Variants in PAK5 observed in about 807,000 individuals in gnomAD.
The protein encoded by PAK5 is p21 (RAC1) activated kinase 5, also known as serine/threonine-protein kinase PAK 5.
Under a neutral mutation model 65.9 loss-of-function variants are expected in PAK5, and 16 were observed. The observed-to-expected ratio is 0.24, with a 90% confidence interval of 0.16 to 0.37. The LOEUF (loss-of-function observed/expected upper bound fraction) is 0.37, where lower values mean the gene tolerates loss of function less well. PAK5 is among the 10% of genes least tolerant of loss of function. The pLI is 1.00. For missense variants in PAK5, 785 were observed against 903.9 expected, an observed-to-expected ratio of 0.87 and a Z score of 1.69; for synonymous variants, 371 against 354.9, an observed-to-expected ratio of 1.05 and a Z score of -0.51.
chr20:9,785,932 C>T (rs1246316082), intron 1 of PAK5, among the ~76,000 whole-genome samples: 4 of 152,024 alleles, frequency 2.6e-5, no homozygotes, highest in African/African-American at 4.8e-5. Context: ...ATCCTTGACC[C>T]TCCCCACCTG....
chr20:9,789,305 C>T (rs1000309472), intron 1 of PAK5, among the ~76,000 whole-genome samples: 49 of 152,270 alleles, frequency 3.2e-4, no homozygotes, highest in East Asian at 1.9e-4. Flanking sequence ...ACTTCCAAAT[C>T]TGAATTTTTC....
chr20:9,715,593 A>G (rs2048134628), intron 1 of PAK5, among the ~76,000 whole-genome samples: 1 of 152,084 alleles, frequency 6.6e-6, no homozygotes, highest in Non-Finnish European at 1.5e-5. Flanking sequence ...AGACACATGC[A>G]CACGTATGTT....
intron 4 of PAK5, among the ~76,000 whole-genome samples, chr20:9,575,302 G>T (rs1207959456): frequency 1.3e-5 from 2 of 152,070 alleles, no homozygotes; most frequent in African/African-American, 2.4e-5. Context: ...TCAAAGGATT[G>T]TCTTGGCCTC....
rs2049452437 is a variant in PAK5, at chr20:9,823,816, T to C, written c.-162+14946A>G. ...GAATCCTTGCCTCAAGGTCTGTTTC[T>C]GGGGGGGAAATCCTAACTAAAATAG... On this transcript the variant is annotated intron_variant, in intron 1 of 9. Coordinates refer to ENST00000353224, the MANE Select transcript of PAK5 (RefSeq NM_177990.4). Among the ~76,000 whole-genome samples, 2 of 151,890 alleles carry C rather than the reference T, an allele frequency of 1.3e-5. 1 individual carries two copies. Among genetic ancestry groups the C allele is most frequent in the African/African-American group, 4.8e-5 (2 of 41,336 alleles).
chr20:9,537,791 A>T lies in PAK5; in HGVS notation c.*1671T>A, dbSNP rs1310928378. 4 of 222,238 alleles carry T rather than the reference A, an allele frequency of 1.8e-5. No individual in the cohort carries two copies. Among genetic ancestry groups the T allele is most frequent in the African/African-American group, 9.0e-5 (4 of 44,560 alleles). 13.8% of individuals were successfully genotyped at this position (222,238 alleles called of 1,614,324 possible). ...CATTGATTTGCTGTTTTATGAAGCA[A>T]AATCATAGATCATATTTATGGAGGC... On this transcript the variant is annotated 3_prime_UTR_variant, in exon 10 of 10. Transcript: ENST00000353224.
At chr20:9,644,628 T>G (rs930578881) in intron 2 of PAK5, among the ~76,000 whole-genome samples, 4 of 152,220 alleles carry the variant, frequency 2.6e-5, no homozygotes, top group African/African-American at 9.6e-5. Flanking sequence ...AGTTGGCAAG[T>G]TCAGGGCAGA....
intron 2 of PAK5, among the ~76,000 whole-genome samples, chr20:9,646,856 C>A (rs1051775478): frequency 6.6e-6 from 1 of 152,206 alleles, no homozygotes; most frequent in Non-Finnish European, 1.5e-5. Flanking sequence ...CCTGTCTCCC[C>A]AGCCAGCAAC....
intron 4 of PAK5, among the ~76,000 whole-genome samples, chr20:9,570,281 G>A (rs1307152045): frequency 6.6e-6 from 1 of 152,030 alleles, no homozygotes; most frequent in Non-Finnish European, 1.5e-5. Flanking sequence ...TATCAAACTA[G>A]CTAGCATTTA....
chr20:9,606,263 A>T (rs1291364980), intron 3 of PAK5, among the ~76,000 whole-genome samples: 1 of 152,092 alleles, frequency 6.6e-6, no homozygotes, highest in Non-Finnish European at 1.5e-5. Context: ...TAGCCATGTG[A>T]TGTATCTGCT....
chr20:9,592,845 G>C (rs1180964137), intron 3 of PAK5, among the ~76,000 whole-genome samples: 1 of 152,176 alleles, frequency 6.6e-6, no homozygotes, highest in Admixed American at 6.5e-5. Context: ...AAAGTCTAAG[G>C]GAGAGAGAAC....
At chr20:9,738,388 T>C (rs1333202234) in intron 1 of PAK5, among the ~76,000 whole-genome samples, 1 of 152,148 alleles carries the variant, frequency 6.6e-6, no homozygotes, top group Non-Finnish European at 1.5e-5. Flanking sequence ...ACCTTATTTG[T>C]AATAGCCAAA....
At chr20:9,549,669 C>T in intron 7 of PAK5, among the ~76,000 whole-genome samples, 1 of 152,194 alleles carries the variant, frequency 6.6e-6, no homozygotes, top group Admixed American at 6.5e-5. Flanking sequence ...GAACTAAACG[C>T]TGAGTCCTGC....
At position 9,701,603 on chromosome 20, in the gene PAK5, TAG is replaced by T. The variant is rs567514917; in HGVS notation, c.-12+9681_-12+9682del. Among the ~76,000 whole-genome samples, 35 of 152,256 alleles carry T rather than the reference TAG, an allele frequency of 2.3e-4. No homozygotes were observed. In the East Asian group the frequency reaches 6.4e-3, roughly 28 times the overall value. ...TTGCTCTAAGTCATTTTCAGGCAAG[TAG>T]AGAGACAAAGTTATTTCATTTTTGG... On this transcript the variant is annotated intron_variant, in intron 2 of 9. Transcript: ENST00000353224.
chr20:9,683,451 T>C (rs992407137), intron 2 of PAK5, among the ~76,000 whole-genome samples: 2 of 152,222 alleles, frequency 1.3e-5, no homozygotes, highest in Non-Finnish European at 2.9e-5. Flanking sequence ...ATACAACTCC[T>C]TATGAGATAT....
chr20:9,658,269 A>G (rs1260676101), intron 2 of PAK5, among the ~76,000 whole-genome samples: 1 of 152,178 alleles, frequency 6.6e-6, no homozygotes, highest in Non-Finnish European at 1.5e-5. Context: ...TGCTGGGTCC[A>G]GTTGAGTGGT....
intron 1 of PAK5, among the ~76,000 whole-genome samples, chr20:9,761,198 A>G (rs1187473594): frequency 6.6e-6 from 1 of 152,108 alleles, no homozygotes; most frequent in Non-Finnish European, 1.5e-5. Flanking sequence ...AATAAATATC[A>G]TCTTCCAGGC....
At chr20:9,806,734 T>C (rs1452496514) in intron 1 of PAK5, among the ~76,000 whole-genome samples, 2 of 152,244 alleles carry the variant, frequency 1.3e-5, no homozygotes, top group African/African-American at 4.8e-5. Context: ...CTAGCATGAC[T>C]GTGTACTGAA....
At chr20:9,837,168 G>A (rs6056922) in intron 1 of PAK5, among the ~76,000 whole-genome samples, 18,230 of 152,230 alleles carry the variant, frequency 0.12, 2,926 homozygotes, top group African/African-American at 0.37. Context: ...TCTAAGGCCA[G>A]CGTTACCAAG....
At chr20:9,587,135 C>T (rs372114710) in intron 3 of PAK5, among the ~76,000 whole-genome samples, 2 of 151,840 alleles carry the variant, frequency 1.3e-5, no homozygotes, top group African/African-American at 2.4e-5. Flanking sequence ...TTGGCCAGGG[C>T]GGGGTGGCGG....
Sources: gnomAD v4.1 joint callset for allele counts (sites outside exome capture counted in the v4.1 genomes callset) on GRCh38, gnomAD v4.1.1 for gene constraint, MANE v1.5 for transcripts, NCBI Gene and HGNC (gene_info 2026-07-23, HGNC 2026-07-21) for gene names.